The following CHST8 variants were observed in gnomAD, a reference collection of about 807,000 sequenced individuals.
The protein encoded by CHST8 is carbohydrate sulfotransferase 8, also known as GALNAC-4-ST1.
In CHST8, 10 loss-of-function variants were observed where a neutral mutation model predicts 15.0. The observed-to-expected ratio is 0.67, with a 90% CI of 0.41 to 1.13. The LOEUF is 1.13. CHST8 is among the 50% of genes most tolerant of loss of function. The pLI, the probability that CHST8 is intolerant of heterozygous loss-of-function variation, is 0.00. For synonymous variants in CHST8, 259 were observed against 256.6 expected (o/e 1.01, Z -0.09); for missense variants, 634 against 608.2 (o/e 1.04, Z -0.45).
chr19:33,687,114 A>G (rs997541606), intron 2 of CHST8, among the ~76,000 whole-genome samples: 1 of 151,842 alleles, frequency 6.6e-6, no homozygotes, highest in African/African-American at 2.4e-5. Context: ...TCAGCTGCTC[A>G]CTCTCTCCTG....
intron 3 of CHST8, among the ~76,000 whole-genome samples, chr19:33,702,162 C>A (rs529137222): frequency 6.6e-6 from 1 of 152,066 alleles, no homozygotes; most frequent in Admixed American, 6.5e-5. Context: ...TTAGTAAAGA[C>A]GGAGTTTCAC....
At chr19:33,638,323 A>G (rs1272168331) in intron 1 of CHST8, among the ~76,000 whole-genome samples, 1 of 152,140 alleles carries the variant, frequency 6.6e-6, no homozygotes, top group Non-Finnish European at 1.5e-5. Context: ...CCAAGCTTAA[A>G]CGAAGAAGGT....
At chr19:33,645,132 T>C (rs2145204564) in intron 1 of CHST8, among the ~76,000 whole-genome samples, 1 of 150,174 alleles carries the variant, frequency 6.7e-6, no homozygotes, top group South Asian at 2.1e-4. Context: ...GGTTGAGAAA[T>C]TCTGACCTGG....
rs184152866 is a variant in CHST8 at position 33,743,477 on chromosome 19, A to G, written c.131-27936A>G. 2.6e-5 allele frequency among the ~76,000 whole-genome samples: 4 copies of G among 150,986 alleles called. No individual in the cohort carries two copies. In the East Asian group the frequency reaches 5.9e-4, roughly 22 times the overall value. On this transcript the variant is annotated intron_variant, in intron 3 of 4. Transcript: ENST00000650847. ...CCACCTCGCCCGGCTAATTTTTTCT[A>G]TTTTTAGTAGAGACGGGATTTCACC...
Position 33,772,045 on chromosome 19 carries a change from G to T in CHST8, c.257G>T (p.Gly86Val). 6.2e-7 allele frequency: 1 copy of T among 1,612,196 alleles called. No individual in the cohort carries two copies. Among genetic ancestry groups the T allele is most frequent in the Non-Finnish European group, 8.5e-7 (1 of 1,179,688 alleles). Residue 86 changes from glycine (G) to valine (V), a missense_variant, in exon 5 of 5, where the codon GGC (glycine) becomes GTC (valine). Physicochemically the swap from Gly to Val is moderately radical, Grantham distance 109. Transcript: ENST00000650847. ...TRDLSSGAPRGRNLPAPDQPQ... is the reference protein window; with the variant it reads ...TRDLSSGAPRVRNLPAPDQPQ... Reference sequence around the variant, plus strand: ...GACTTATCCAGTGGGGCCCCGAGGGGCCGCAACCTGCCAGCGCCTGACCAG... The same window carrying T: ...GACTTATCCAGTGGGGCCCCGAGGGTCCGCAACCTGCCAGCGCCTGACCAG...
chr19:33,685,831 G>A (rs1474198792), intron 2 of CHST8, among the ~76,000 whole-genome samples: 1 of 152,080 alleles, frequency 6.6e-6, no homozygotes, highest in Non-Finnish European at 1.5e-5. Flanking sequence ...GGGGTCCTCC[G>A]AGGAACAATA....
At chr19:33,713,808 C>A (rs1184965690) in intron 3 of CHST8, among the ~76,000 whole-genome samples, 3 of 152,176 alleles carry the variant, frequency 2.0e-5, no homozygotes, top group African/African-American at 7.2e-5. Flanking sequence ...CGGGCACCCG[C>A]CTTGGCCTCC....
chr19:33,687,234 C>T (rs913584850), intron 2 of CHST8, among the ~76,000 whole-genome samples: 6 of 152,228 alleles, frequency 3.9e-5, no homozygotes, highest in Non-Finnish European at 5.9e-5. Flanking sequence ...GTGGGGCTTA[C>T]AGTGCTGCAT....
At chr19:33,706,807 G>A (rs186644490) in intron 3 of CHST8, among the ~76,000 whole-genome samples, 31 of 152,352 alleles carry the variant, frequency 2.0e-4, no homozygotes, top group African/African-American at 6.3e-4. Flanking sequence ...AACTGTGCGC[G>A]TCAAGCGTGT....
intron 3 of CHST8, among the ~76,000 whole-genome samples, chr19:33,761,788 T>A (rs895819582): frequency 2.0e-5 from 3 of 151,782 alleles, no homozygotes; most frequent in Non-Finnish European, 4.4e-5. Flanking sequence ...TAGTGAGCCA[T>A]GACCACGGCA....
intron 3 of CHST8, among the ~76,000 whole-genome samples, chr19:33,734,793 C>A (rs976454865): frequency 2.0e-5 from 3 of 152,174 alleles, no homozygotes; most frequent in African/African-American, 7.2e-5. Flanking sequence ...CACTGACTTC[C>A]CCCAGGGACC....
chr19:33,767,118 A>C (rs1229587270), intron 3 of CHST8, among the ~76,000 whole-genome samples: 11 of 151,708 alleles, frequency 7.3e-5, no homozygotes, highest in Admixed American at 6.6e-4. Context: ...GGACATGAGC[A>C]GCCAATGCAG....
intron 1 of CHST8, among the ~76,000 whole-genome samples, chr19:33,666,167 T>A (rs1303021541): frequency 1.3e-5 from 2 of 152,156 alleles, no homozygotes; most frequent in African/African-American, 4.8e-5. Context: ...GATGGAGCAG[T>A]CTTATCTGGA....
intron 3 of CHST8, among the ~76,000 whole-genome samples, chr19:33,729,015 A>G (rs1174972670): frequency 6.6e-6 from 1 of 152,198 alleles, no homozygotes; most frequent in Non-Finnish European, 1.5e-5. Context: ...ATGTTGAGAA[A>G]GACTCTGGCA....
intron 3 of CHST8, among the ~76,000 whole-genome samples, chr19:33,761,451 T>C (rs1426144668): frequency 1.3e-5 from 2 of 151,966 alleles, no homozygotes; most frequent in African/African-American, 2.4e-5. Context: ...TGCCCCAGCC[T>C]CCTGAGTAGC....
intron 1 of CHST8, among the ~76,000 whole-genome samples, chr19:33,639,257 T>C (rs999166422): frequency 1.3e-5 from 2 of 151,686 alleles, no homozygotes; most frequent in Non-Finnish European, 2.9e-5. Context: ...TACGGGTAAA[T>C]TACAGGGTGA....
intron 3 of CHST8, among the ~76,000 whole-genome samples, chr19:33,765,790 T>C (rs1015929701): frequency 1.3e-5 from 2 of 152,012 alleles, no homozygotes; most frequent in Non-Finnish European, 2.9e-5. Context: ...TGATCTCTTG[T>C]GGTCTCGCGA....
At chr19:33,707,437 G>C (rs1023288544) in intron 3 of CHST8, among the ~76,000 whole-genome samples, 1 of 152,070 alleles carries the variant, frequency 6.6e-6, no homozygotes, top group Non-Finnish European at 1.5e-5. Flanking sequence ...CTCAGCCCCA[G>C]GCAACTACAA....
At chr19:33,640,231 C>T (rs575993017) in intron 1 of CHST8, among the ~76,000 whole-genome samples, 4 of 152,170 alleles carry the variant, frequency 2.6e-5, no homozygotes, top group Non-Finnish European at 5.9e-5. Flanking sequence ...CAGGATCTAG[C>T]ACCACGTGAC....
Sources: gnomAD v4.1 joint callset for allele counts (sites outside exome capture counted in the v4.1 genomes callset) on GRCh38, gnomAD v4.1.1 for gene constraint, MANE v1.5 for transcripts, NCBI Gene and HGNC (gene_info 2026-07-23, HGNC 2026-07-21) for gene names.